The following DAP variants were observed in gnomAD, a reference collection of about 807,000 sequenced individuals.
The protein encoded by DAP is death-associated protein 1.
A neutral mutation model predicts 13.8 loss-of-function variants in DAP; 8 were observed. The observed-to-expected ratio is 0.58, with a 90% CI of 0.34 to 1.05. The LOEUF is 1.05. Ranked by LOEUF, DAP falls within the 50% of genes least tolerant of loss-of-function variation. The pLI, the probability that DAP is intolerant of heterozygous loss-of-function variation, is 0.03. For synonymous variants in DAP, 47 were observed against 47.5 expected (o/e 0.99, Z 0.04); for missense variants, 106 against 133.2 (o/e 0.80, Z 1.01).
intron 2 of DAP, among the ~76,000 whole-genome samples, chr5:10,725,421 T>C (rs993534628): frequency 2.6e-5 from 4 of 152,190 alleles, no homozygotes; most frequent in African/African-American, 9.7e-5. Context: ...CTGAGGCTCC[T>C]GCCCACAAGA....
chr5:10,746,271 C>T (rs1167174247), intron 2 of DAP, among the ~76,000 whole-genome samples: 4 of 151,782 alleles, frequency 2.6e-5, no homozygotes, highest in Admixed American at 2.0e-4. Context: ...GATGCTGTTA[C>T]GTTCCAAACA....
intron 2 of DAP, among the ~76,000 whole-genome samples, chr5:10,737,308 T>C (rs1204641860): frequency 1.4e-5 from 2 of 147,238 alleles, no homozygotes; most frequent in African/African-American, 2.5e-5. Flanking sequence ...ATCACGCCAC[T>C]GCACTCCAGC....
intron 2 of DAP, among the ~76,000 whole-genome samples, chr5:10,711,574 A>C (rs952283757): frequency 6.6e-6 from 1 of 152,190 alleles, no homozygotes; most frequent in Non-Finnish European, 1.5e-5. Flanking sequence ...ATCGGCATTA[A>C]AAATCCTCTG....
chr5:10,741,440 T>C (rs1739752362), intron 2 of DAP, among the ~76,000 whole-genome samples: 1 of 152,208 alleles, frequency 6.6e-6, no homozygotes, highest in African/African-American at 2.4e-5. Flanking sequence ...TTTAAAATTT[T>C]TTCTTGGAGG....
At chr5:10,686,454 A>G (rs1430881422) in intron 2 of DAP, among the ~76,000 whole-genome samples, 1 of 152,218 alleles carries the variant, frequency 6.6e-6, no homozygotes, top group African/African-American at 2.4e-5. Flanking sequence ...ATGCAAAGGA[A>G]GAGTTATGGG....
chr5:10,739,371 T>C lies in DAP; in HGVS notation c.152+8804A>G, dbSNP rs919650064. Reference sequence around the variant, plus strand: ...GAAATTATTTCAAAACAAAAAGTTTTAAAAAATCACCACAGATGTAATAAC... The same window carrying C: ...GAAATTATTTCAAAACAAAAAGTTTCAAAAAATCACCACAGATGTAATAAC... On this transcript the variant is annotated intron_variant, in intron 2 of 3. Coordinates refer to ENST00000230895, the MANE Select transcript of DAP (RefSeq NM_004394.3). 4.0e-5 allele frequency among the ~76,000 whole-genome samples: 6 copies of C among 151,378 alleles called. No homozygotes were observed. The South Asian group carries it at 1.0e-3, about 26-fold the overall frequency.
At chr5:10,702,205 C>T (rs1057038330) in intron 2 of DAP, among the ~76,000 whole-genome samples, 6 of 152,334 alleles carry the variant, frequency 3.9e-5, no homozygotes, top group Admixed American at 3.9e-4. Context: ...ACATACTCAA[C>T]AAATGCTTTG....
chr5:10,694,844 A>G (rs1738394836), intron 2 of DAP, among the ~76,000 whole-genome samples: 1 of 152,154 alleles, frequency 6.6e-6, no homozygotes, highest in Non-Finnish European at 1.5e-5. Flanking sequence ...CTCCTCAGGA[A>G]AGCACAGAGC....
intron 2 of DAP, among the ~76,000 whole-genome samples, chr5:10,686,845 T>C (rs1272479113): frequency 6.6e-6 from 1 of 152,248 alleles, no homozygotes; most frequent in Non-Finnish European, 1.5e-5. Context: ...ATTTTCAATG[T>C]TGACAAAACA....
intron 2 of DAP, among the ~76,000 whole-genome samples, chr5:10,734,853 A>G (rs1306179937): frequency 2.0e-5 from 3 of 152,228 alleles, no homozygotes; most frequent in Non-Finnish European, 4.4e-5. Flanking sequence ...TATTCTATTT[A>G]CATTTATTTT....
chr5:10,708,648 A>G (rs1385146676), intron 2 of DAP, among the ~76,000 whole-genome samples: 1 of 152,196 alleles, frequency 6.6e-6, no homozygotes, highest in African/African-American at 2.4e-5. Flanking sequence ...CATGTTATTA[A>G]TGATAACAGT....
intron 2 of DAP, among the ~76,000 whole-genome samples, chr5:10,738,498 C>T (rs1739672537): frequency 6.6e-6 from 1 of 152,074 alleles, no homozygotes; most frequent in African/African-American, 2.4e-5. Context: ...CTGTGCAGCC[C>T]CTGCCCTGAA....
At chr5:10,744,105 T>C (rs993483541) in intron 2 of DAP, among the ~76,000 whole-genome samples, 5 of 152,202 alleles carry the variant, frequency 3.3e-5, no homozygotes, top group Non-Finnish European at 7.3e-5. Flanking sequence ...TAATCAGTAC[T>C]TGATTTTCCA....
intron 2 of DAP, among the ~76,000 whole-genome samples, chr5:10,741,259 G>T (rs781467706): frequency 3.3e-5 from 5 of 152,184 alleles, no homozygotes; most frequent in Admixed American, 2.0e-4. Flanking sequence ...AGGCAGAGGT[G>T]GGAGGACTGC....
chr5:10,748,102 GA>G, intron 2 of DAP, 72 bp downstream of exon 2: 2 of 1,064,834 alleles, frequency 1.9e-6, no homozygotes, highest in Non-Finnish European at 2.9e-6. Context: ...TCATAGAACA[GA>G]GAACAAATGT....
intron 2 of DAP, among the ~76,000 whole-genome samples, chr5:10,690,398 T>A (rs1466838097): frequency 1.3e-5 from 2 of 152,230 alleles, no homozygotes; most frequent in African/African-American, 4.8e-5. Context: ...TATTATGCTA[T>A]CATCACCTTT....
In DAP at chr5:10,711,995, T is replaced by A. The variant is rs536082158; in HGVS notation, c.153-28424A>T. Among the ~76,000 whole-genome samples the A allele has an allele frequency of 3.3e-5, 5 of 152,286 alleles. No individual in the cohort carries two copies. The South Asian group carries it at 1.0e-3, about 32-fold the overall frequency. The stretch of plus-strand genomic sequence containing the variant: ...CGTCCTTCCCAGCAACACATTCCTA[T>A]GTTGAAGTCCTAACTCCCAGAATCT... On this transcript the variant is annotated intron_variant, in intron 2 of 3. Coordinates refer to ENST00000230895, the MANE Select transcript of DAP (RefSeq NM_004394.3).
At chr5:10,723,523 G>T (rs976422) in intron 2 of DAP, among the ~76,000 whole-genome samples, 35,287 of 152,146 alleles carry the variant, frequency 0.23, 4,303 homozygotes, top group Middle Eastern at 0.35. Context: ...CATTTCATTG[G>T]GATATTGGGG....
At position 10,707,921 on chromosome 5, in the gene DAP, G is replaced by A. The variant is rs1442377680; in HGVS notation, c.153-24350C>T. Among the ~76,000 whole-genome samples, 2 of 152,140 alleles carry A rather than the reference G, an allele frequency of 1.3e-5. No homozygotes were observed. Among genetic ancestry groups the A allele is most frequent in the Non-Finnish European group, 2.9e-5 (2 of 68,034 alleles). ...CACCCCATGCTGTCGCTACCTCCAAGTGGCTCTAATTCTTATTTAGGCTTG... is the reference window on the plus strand; with the variant it reads ...CACCCCATGCTGTCGCTACCTCCAAATGGCTCTAATTCTTATTTAGGCTTG... On this transcript the variant is annotated intron_variant, in intron 2 of 3. Transcript: ENST00000230895. The surrounding 1 kb of genome is among the most constrained non-coding windows in gnomAD (Gnocchi z 4.0).
Sources: gnomAD v4.1 joint callset for allele counts (sites outside exome capture counted in the v4.1 genomes callset) on GRCh38, gnomAD v4.1.1 for gene constraint, Gnocchi (gnomAD v3.1) non-coding constraint, MANE v1.5 for transcripts, NCBI Gene and HGNC (gene_info 2026-07-23, HGNC 2026-07-21) for gene names.